PDS5A: variants seen among roughly 807,000 people sequenced by gnomAD.
PDS5A encodes the protein PDS5 cohesin associated factor A.
PDS5A carries 42 observed loss-of-function variants against 167.1 expected under a neutral mutation model. The ratio of observed to expected loss-of-function variants is 0.25; its 90% CI spans 0.20 to 0.33. PDS5A has a LOEUF of 0.33. PDS5A is among the 10% of genes least tolerant of loss of function. The pLI, the probability that PDS5A is intolerant of heterozygous loss-of-function variation, is 1.00. For synonymous variants in PDS5A, 553 were observed against 554.6 expected (o/e 1.00, Z 0.04); for missense variants, 1,033 against 1,605.9 (o/e 0.64, Z 6.10).
chr4:39,867,985 A>G lies in PDS5A; in HGVS notation c.2506-988T>C, dbSNP rs369938746. Among the ~76,000 whole-genome samples the G allele has an allele frequency of 3.9e-5, 6 of 152,344 alleles. No homozygotes were observed. In the South Asian group the frequency reaches 8.3e-4, roughly 21 times the overall value. ...TGTTACCAATATATGTGAAAAAGCT[A>G]GCCAAAAAATCAAAGTATTATTTAT... On this transcript the variant is annotated intron_variant, in intron 22 of 32. Coordinates refer to ENST00000303538, the MANE Select transcript of PDS5A (RefSeq NM_001100399.2).
chr4:39,842,933 A>ATGTG (rs1717188477), intron 30 of PDS5A, among the ~76,000 whole-genome samples: 3 of 136,338 alleles, frequency 2.2e-5, no homozygotes, highest in African/African-American at 8.3e-5. Flanking sequence ...ATATATATAT[A>ATGTG]TATATTTTAA....
intron 32 of PDS5A, among the ~76,000 whole-genome samples, chr4:39,827,354 T>G (rs1215790716): frequency 6.6e-6 from 1 of 152,172 alleles, no homozygotes; most frequent in Non-Finnish European, 1.5e-5. Context: ...TTCCTAGCCC[T>G]GAGTCCTCTG....
intron 2 of PDS5A, among the ~76,000 whole-genome samples, chr4:39,939,985 CAG>C (rs1727073219): frequency 6.6e-6 from 1 of 151,858 alleles, no homozygotes; most frequent in South Asian, 2.1e-4. Context: ...TGGCCAGGAG[CAG>C]AGTCTCACAC....
chr4:39,943,122 A>C (rs1478626272), intron 2 of PDS5A, among the ~76,000 whole-genome samples: 3 of 88,586 alleles, frequency 3.4e-5, no homozygotes, highest in Non-Finnish European at 6.8e-5. Flanking sequence ...AACTATGCAA[A>C]TACACACACA....
chr4:39,885,246 TA>T (rs34192127), intron 17 of PDS5A, among the ~76,000 whole-genome samples: 39,521 of 110,030 alleles, frequency 0.36, 6,382 homozygotes, highest in East Asian at 0.65. Context: ...GATTCCTTCT[TA>T]AAAAAAAAAA....
At chr4:39,921,583 T>TTA (rs1553902444) in intron 6 of PDS5A, among the ~76,000 whole-genome samples, 1 of 86,864 alleles carries the variant, frequency 1.2e-5, no homozygotes, top group African/African-American at 4.9e-5. Flanking sequence ...AAAGAAAACT[T>TTA]AAAAAAAAAA....
chr4:39,873,692 T>C (rs1307424088), intron 20 of PDS5A, among the ~76,000 whole-genome samples: 1 of 152,172 alleles, frequency 6.6e-6, no homozygotes, highest in Admixed American at 6.6e-5. Flanking sequence ...ACTAATACTT[T>C]CCGAGGATAA....
At chr4:39,928,790 A>G (rs1041531861) in intron 2 of PDS5A, among the ~76,000 whole-genome samples, 1 of 151,726 alleles carries the variant, frequency 6.6e-6, no homozygotes, top group Non-Finnish European at 1.5e-5. Flanking sequence ...ACACCACTGC[A>G]ATCCAGACTA....
intron 32 of PDS5A, among the ~76,000 whole-genome samples, chr4:39,831,198 T>A (rs937845278): frequency 2.0e-5 from 3 of 151,778 alleles, no homozygotes; most frequent in Non-Finnish European, 4.4e-5. Context: ...AATTGCCTCC[T>A]GGCAATTCTT....
At chr4:39,951,898 CAA>C (rs1161911794) in intron 2 of PDS5A, among the ~76,000 whole-genome samples, 20 of 68,812 alleles carry the variant, frequency 2.9e-4, no homozygotes, top group South Asian at 1.2e-3. Flanking sequence ...GAGTCTGTCT[CAA>C]AAAAAAAAAA....
At chr4:39,965,431 T>C (rs370161046) in intron 2 of PDS5A, among the ~76,000 whole-genome samples, 93 of 152,200 alleles carry the variant, frequency 6.1e-4, no homozygotes, top group African/African-American at 2.0e-3. Flanking sequence ...AAACCCTGCC[T>C]GAATTCCCGA....
intron 30 of PDS5A, 112 bp downstream of exon 30, chr4:39,844,544 G>T: frequency 3.5e-5 from 24 of 679,732 alleles, no homozygotes; most frequent in Non-Finnish European, 5.4e-5. Context: ...ATATTATTTT[G>T]TACCAGAACA....
intron 2 of PDS5A, among the ~76,000 whole-genome samples, chr4:39,962,720 C>T (rs1043652772): frequency 6.6e-6 from 1 of 152,078 alleles, no homozygotes; most frequent in Admixed American, 6.6e-5. Context: ...ACGAGAATCG[C>T]TTGAACCCAG....
At chr4:39,838,282 T>C (rs563156080) in intron 31 of PDS5A, 74 bp from the exon 32 acceptor site, 97 of 1,126,142 alleles carry the variant, frequency 8.6e-5, no homozygotes, top group Non-Finnish European at 1.1e-4. Context: ...AAAGAGTGTT[T>C]TGAAAGTATT....
chr4:39,838,669 G>A (rs1241046436), intron 31 of PDS5A, among the ~76,000 whole-genome samples: 1 of 152,118 alleles, frequency 6.6e-6, no homozygotes, highest in Non-Finnish European at 1.5e-5. Context: ...GCTACAGTAA[G>A]CAGAGATTAT....
intron 2 of PDS5A, among the ~76,000 whole-genome samples, chr4:39,941,318 T>C (rs181485944): frequency 1.7e-3 from 257 of 152,296 alleles, no homozygotes; most frequent in Non-Finnish European, 3.0e-3. Context: ...TATACCAATC[T>C]TTGAGCAACA....
chr4:39,922,574 G>A (rs139026305), intron 6 of PDS5A, 48 bp downstream of exon 6: 8 of 1,437,884 alleles, frequency 5.6e-6, no homozygotes, highest in Non-Finnish European at 6.5e-6. Context: ...TCTTATGTGT[G>A]GCGTGACTGT....
At chr4:39,935,035 T>TA (rs1726459085) in intron 2 of PDS5A, among the ~76,000 whole-genome samples, 1 of 152,204 alleles carries the variant, frequency 6.6e-6, no homozygotes, top group Non-Finnish European at 1.5e-5. Flanking sequence ...ACTTTATCAA[T>TA]TATTTTCTTT....
intron 30 of PDS5A, among the ~76,000 whole-genome samples, chr4:39,844,010 G>A (rs1230482693): frequency 6.6e-6 from 1 of 151,794 alleles, no homozygotes; most frequent in East Asian, 1.9e-4. Context: ...TTGGCTGGGG[G>A]TTGGTGGTGC....
Sources: gnomAD v4.1 joint callset for allele counts (sites outside exome capture counted in the v4.1 genomes callset) on GRCh38, gnomAD v4.1.1 for gene constraint, MANE v1.5 for transcripts, NCBI Gene and HGNC (gene_info 2026-07-23, HGNC 2026-07-21) for gene names.